VWA5B1: variants seen among roughly 807,000 people sequenced by gnomAD.
VWA5B1 encodes von Willebrand factor A domain-containing protein 5B1.
In VWA5B1, 115 loss-of-function variants were observed where a neutral mutation model predicts 118.2. The ratio of observed to expected loss-of-function variants is 0.97; its 90% CI spans 0.84 to 1.14. The LOEUF is 1.14. Ranked by LOEUF, VWA5B1 falls within the 50% of genes most tolerant of loss-of-function variation. The pLI is 0.00. For synonymous variants in VWA5B1, 682 were observed against 658.4 expected (o/e 1.04, Z -0.55); for missense variants, 1,596 against 1,603.8 (o/e 1.00, Z 0.08).
intron 1 of VWA5B1, among the ~76,000 whole-genome samples, chr1:20,305,515 G>A (rs534597724): frequency 6.6e-6 from 1 of 152,182 alleles, no homozygotes; most frequent in South Asian, 2.1e-4. Context: ...GCCCCCCAAG[G>A]AGAAGGGTTT....
At position 20,345,547 on chromosome 1, in the gene VWA5B1, G is replaced by C. The variant is rs906666562; in HGVS notation, c.2718G>C (p.Val906=). 3.9e-6 allele frequency: 6 copies of C among 1,551,014 alleles called. No homozygotes were observed. In the African/African-American group the frequency reaches 8.2e-5, roughly 21 times the overall value. The part of the protein sequence containing the change: ...SKYTAFVPVD[V]SKSRYLPTVV... ...ACACAGCCTTCGTGCCTGTGGACGT[G>C]AGCAAGAGCCGGTACCTGCCCACCG... is the stretch of plus-strand genomic sequence containing the variant. Residue 906 remains valine, a synonymous_variant, in exon 17 of 22, where the codon GTG becomes GTC. Coordinates refer to ENST00000289815, the MANE Select transcript of VWA5B1 (RefSeq NM_001039500.3).
At position 20,317,745 on chromosome 1, in the gene VWA5B1, C is replaced by T; in HGVS notation, c.709+70C>T. ...AAGCCAAAGGCTGCCAGGGATGGGACGGGGGTGGGAAGGAAAGCCAACTGG... is the reference window on the plus strand; with the variant it reads ...AAGCCAAAGGCTGCCAGGGATGGGATGGGGGTGGGAAGGAAAGCCAACTGG... On this transcript the variant is annotated intron_variant, in intron 5 of 21. Coordinates refer to ENST00000289815, the MANE Select transcript of VWA5B1 (RefSeq NM_001039500.3). The T allele has an allele frequency of 1.7e-5, 19 of 1,092,800 alleles. 1 individual carries two copies. Among genetic ancestry groups the T allele is most frequent in the South Asian group, 8.6e-5 (5 of 58,438 alleles). 67.7% of individuals were successfully genotyped at this position (1,092,800 alleles called of 1,614,324 possible).
At chr1:20,325,354 G>A (rs2089345984) in intron 8 of VWA5B1, among the ~76,000 whole-genome samples, 1 of 152,194 alleles carries the variant, frequency 6.6e-6, no homozygotes, top group African/African-American at 2.4e-5. Context: ...TTTCAACTCT[G>A]GGATTCATTC....
intron 1 of VWA5B1, among the ~76,000 whole-genome samples, chr1:20,296,806 T>C (rs2088414614): frequency 6.6e-6 from 1 of 152,256 alleles, no homozygotes; most frequent in Non-Finnish European, 1.5e-5. Flanking sequence ...GTCCCTGTTC[T>C]AAGTGGATTC....
intron 2 of VWA5B1, among the ~76,000 whole-genome samples, chr1:20,310,961 C>A (rs143670874): frequency 1.1e-3 from 163 of 152,316 alleles, no homozygotes; most frequent in African/African-American, 3.7e-3. Flanking sequence ...TCAGCCCCAG[C>A]CAACTGTCCC....
chr1:20,352,614 T>G (rs1428677211), intron 21 of VWA5B1, among the ~76,000 whole-genome samples: 1 of 152,196 alleles, frequency 6.6e-6, no homozygotes, highest in Non-Finnish European at 1.5e-5. Context: ...CTCAGCATGC[T>G]GTAGCAGGGT....
At chr1:20,343,868 T>A (rs1570212853) in intron 16 of VWA5B1, among the ~76,000 whole-genome samples, 1 of 75,670 alleles carries the variant, frequency 1.3e-5, no homozygotes, top group Non-Finnish European at 2.5e-5. Context: ...CTCTCCGGCC[T>A]CCAGGCTCCG....
At chr1:20,335,851 A>T (rs1250377929) in intron 12 of VWA5B1, among the ~76,000 whole-genome samples, 1 of 152,168 alleles carries the variant, frequency 6.6e-6, no homozygotes, top group African/African-American at 2.4e-5. Context: ...AGGAGGTGGA[A>T]GGAGAGGCAA....
At chr1:20,291,349 CTT>C (rs879776809) in intron 1 of VWA5B1, among the ~76,000 whole-genome samples, 5,278 of 123,440 alleles carry the variant, frequency 0.043, 139 homozygotes, top group Admixed American at 0.074. Context: ...CTCTTTCTTT[CTT>C]TCTTTCTTTC....
At chr1:20,319,571 C>T (rs1251165217) in intron 7 of VWA5B1, 65 bp downstream of exon 7, 3 of 1,540,690 alleles carry the variant, frequency 1.9e-6, no homozygotes, top group African/African-American at 1.4e-5. Flanking sequence ...GCCTGGTCTC[C>T]ACTGAACAAG....
chr1:20,345,691 G>C, intron 17 of VWA5B1, 98 bp downstream of exon 17: 3 of 1,433,398 alleles, frequency 2.1e-6, no homozygotes, highest in Non-Finnish European at 2.8e-6. Flanking sequence ...GACCAGCAGG[G>C]AGCGGGGTGA....
chr1:20,293,689 G>A (rs2088354138), intron 1 of VWA5B1, among the ~76,000 whole-genome samples: 1 of 152,236 alleles, frequency 6.6e-6, no homozygotes. Flanking sequence ...GAACAGCCCA[G>A]TGGGGTCACT....
chr1:20,299,968 C>T (rs1487117244), intron 1 of VWA5B1, among the ~76,000 whole-genome samples: 1 of 152,228 alleles, frequency 6.6e-6, no homozygotes. Context: ...AGCTGGCTGG[C>T]AGGTGCACTA....
In VWA5B1 at chr1:20,319,598, C is replaced by T. The variant is rs550649167; in HGVS notation, c.966+92C>T. On this transcript the variant is annotated intron_variant, in intron 7 of 21. Transcript: ENST00000289815. ...CTGAACAAGTGAGGTGGGGAGGTAA[C>T]CTGCCCGAGGTCATCCAGCAAGCTG... 41 of 1,508,098 alleles carry T rather than the reference C, an allele frequency of 2.7e-5. No homozygotes were observed. In the South Asian group the frequency reaches 4.0e-4, roughly 15 times the overall value. The allele number at this position is 1,508,098 out of a possible 1,614,324, so 93.4% of individuals were successfully genotyped here.
rs1240347771 is a variant in VWA5B1 at position 20,312,925 on chromosome 1, G to A, written c.229G>A (p.Asp77Asn). Reference protein sequence around the residue: ...ADRVVTVQIKDKAKLESGHFD... With the variant: ...ADRVVTVQIKNKAKLESGHFD... ...CCGTGTCGTGACAGTACAGATCAAG[G>A]ACAAAGCCAAGCTGGAGAGCGGCCA... Residue 77 changes from aspartate to asparagine, a missense_variant, in exon 3 of 22, where the codon GAC becomes AAC. Transcript: ENST00000289815. 1 of 1,551,698 alleles carries A rather than the reference G, an allele frequency of 6.4e-7. No homozygotes were observed. The highest frequency in any genetic ancestry group is 8.7e-7 in the Non-Finnish European group (1 of 1,146,996).
chr1:20,320,238 G>A (rs1298401784), intron 7 of VWA5B1, among the ~76,000 whole-genome samples: 1 of 152,354 alleles, frequency 6.6e-6, no homozygotes, highest in South Asian at 2.1e-4. Context: ...CTGGAGGAAG[G>A]GAAAGACTGT....
intron 12 of VWA5B1, among the ~76,000 whole-genome samples, chr1:20,335,649 T>C (rs12752465): frequency 0.2 from 29,813 of 152,230 alleles, 3,202 homozygotes; most frequent in East Asian, 0.39. Context: ...ATGTGCTGTA[T>C]TCTTACAATA....
chr1:20,335,389 TAA>T (rs2089684244), intron 12 of VWA5B1, among the ~76,000 whole-genome samples: 1 of 152,110 alleles, frequency 6.6e-6, no homozygotes, highest in African/African-American at 2.4e-5. Flanking sequence ...AAGATACTGA[TAA>T]GTGTGAGCAG....
chr1:20,293,322 T>C (rs902127080), intron 1 of VWA5B1, among the ~76,000 whole-genome samples: 4 of 152,050 alleles, frequency 2.6e-5, no homozygotes, highest in Admixed American at 2.0e-4. Context: ...ATGCGAATGC[T>C]GGTTATGGCT....
Sources: gnomAD v4.1 joint callset for allele counts (sites outside exome capture counted in the v4.1 genomes callset) on GRCh38, gnomAD v4.1.1 for gene constraint, MANE v1.5 for transcripts, NCBI Gene and HGNC (gene_info 2026-07-23, HGNC 2026-07-21) for gene names.